The following MRC2 variants were observed in gnomAD, a reference collection of about 807,000 sequenced individuals.
The protein encoded by MRC2 is mannose receptor C-type 2, also known as C-type mannose receptor 2.
A neutral mutation model predicts 206.2 loss-of-function variants in MRC2; 84 were observed. The observed-to-expected ratio is 0.41, with a 90% CI of 0.34 to 0.49. MRC2 has a LOEUF of 0.49. MRC2 is among the 20% of genes least tolerant of loss of function. The pLI, the probability that MRC2 is intolerant of heterozygous loss-of-function variation, is 0.31. For missense variants in MRC2, 1,676 were observed against 2,001.5 expected (o/e 0.84, Z 3.10); for synonymous variants, 798 against 800.0 (o/e 1.00, Z 0.04).
intron 1 of MRC2, among the ~76,000 whole-genome samples, chr17:62,645,523 ATATATTTTTTTTTTTT>A (rs1429266992): frequency 5.2e-4 from 21 of 40,090 alleles, no homozygotes; most frequent in African/African-American, 1.9e-3. Flanking sequence ...ATATATATAT[ATATATTTTTTTTTTTT>A]TTTTTTTTTT....
intron 6 of MRC2, among the ~76,000 whole-genome samples, chr17:62,669,365 T>A (rs969038175): frequency 7.9e-5 from 12 of 151,750 alleles, no homozygotes; most frequent in Non-Finnish European, 1.5e-4. Flanking sequence ...CAGGCGGGCA[T>A]CACTACTTCC....
Position 62,653,445 on chromosome 17 carries a change from C to T in MRC2, c.119-11103C>T, listed in dbSNP as rs979699684. ...AAGGTGACAGTCGCCTTCCCCACCA[C>T]CGCCTGCATTTAGTAGGTGGAGGGA... On this transcript the variant is annotated intron_variant, in intron 1 of 29. Transcript: ENST00000303375. Among the ~76,000 whole-genome samples the T allele has an allele frequency of 1.4e-4, 21 of 152,168 alleles. 1 individual carries two copies. Among genetic ancestry groups the T allele is most frequent in the African/African-American group, 5.1e-4 (21 of 41,446 alleles).
Position 62,680,437 on chromosome 17 carries a change from C to T in MRC2, c.2457C>T (p.Pro819=). The change falls in exon 16 of 30, where the codon CCC becomes CCT. Residue 819 remains proline, a synonymous_variant. Transcript: ENST00000303375. The surrounding 1 kb of genome is among the most constrained non-coding windows in gnomAD (Gnocchi z 4.8). Reference sequence around the variant, plus strand: ...CCCTAGGTACGGACGTGCGGGAGCCCGACGACAGCCCTCAAGGTGAGCACC... The same window carrying T: ...CCCTAGGTACGGACGTGCGGGAGCCTGACGACAGCCCTCAAGGTGAGCACC... ...KIPRGTDVRE[P]DDSPQGRREW... 11 of 1,614,074 alleles carry T rather than the reference C, an allele frequency of 6.8e-6. No homozygotes were observed. The highest frequency in any genetic ancestry group is 9.3e-6 in the Non-Finnish European group (11 of 1,180,020).
chr17:62,688,153 C>T, intron 20 of MRC2, 136 bp from the exon 21 acceptor site: 1 of 695,474 alleles, frequency 1.4e-6, no homozygotes, highest in Non-Finnish European at 2.4e-6. Context: ...CCCAGCTGTC[C>T]TGGTTCTCAG....
At chr17:62,689,051 C>T in intron 23 of MRC2, 91 bp downstream of exon 23, 1 of 1,049,264 alleles carries the variant, frequency 9.5e-7, no homozygotes, top group Non-Finnish European at 1.4e-6. Flanking sequence ...AATCATGGTC[C>T]CTGGCAGAGC....
rs551986485 is a variant in MRC2 at position 62,682,296 on chromosome 17, C to T, written c.2865C>T (p.Val955=). 430 of 1,606,078 alleles carry T rather than the reference C, an allele frequency of 2.7e-4. 3 individuals are homozygous for T. The South Asian group carries it at 4.4e-3, about 16-fold the overall frequency. ...ALPYICKRSN[V]TKETQPPDLP... The stretch of plus-strand genomic sequence containing the variant: ...CCTACATCTGCAAGCGCAGCAACGT[C>T]ACCAAAGAAACGCAGCCCCCAGACC... The change falls in exon 20 of 30, where the codon GTC becomes GTT. Residue 955 remains valine, a synonymous_variant. Coordinates refer to ENST00000303375, the MANE Select transcript of MRC2 (RefSeq NM_006039.5).
At chr17:62,677,823 G>A (rs546220178) in intron 12 of MRC2, among the ~76,000 whole-genome samples, 2 of 152,292 alleles carry the variant, frequency 1.3e-5, no homozygotes, top group Admixed American at 1.3e-4. Flanking sequence ...AGGTCAAGGC[G>A]GGTGGATCAC....
chr17:62,662,857 C>T (rs1007323654), intron 1 of MRC2, among the ~76,000 whole-genome samples: 10 of 151,946 alleles, frequency 6.6e-5, no homozygotes, highest in African/African-American at 9.7e-5. Flanking sequence ...TGCAGTGAGC[C>T]GAGATCGAGC....
chr17:62,657,205 G>T (rs1416218346), intron 1 of MRC2, among the ~76,000 whole-genome samples: 1 of 152,184 alleles, frequency 6.6e-6, no homozygotes, highest in Admixed American at 6.5e-5. Context: ...GATTGTTATC[G>T]TTGCCATGTC....
chr17:62,633,241 G>A (rs778775558), intron 1 of MRC2, among the ~76,000 whole-genome samples: 1 of 152,240 alleles, frequency 6.6e-6, no homozygotes, highest in East Asian at 1.9e-4. Flanking sequence ...GGTGGCTCAT[G>A]CCTGTAATCC....
chr17:62,641,263 C>T (rs1442231257), intron 1 of MRC2, among the ~76,000 whole-genome samples: 1 of 147,888 alleles, frequency 6.8e-6, no homozygotes, highest in Non-Finnish European at 1.5e-5. Flanking sequence ...TTGCAGTGAG[C>T]TGAGATGGCG....
rs1216633939 is a variant in MRC2, at chr17:62,666,886, G to T, written c.973+16G>T. The T allele has an allele frequency of 3.7e-6, 6 of 1,609,352 alleles. No individual in the cohort carries two copies. The highest frequency in any genetic ancestry group is 5.1e-6 in the Non-Finnish European group (6 of 1,176,372). Reference sequence around the variant, plus strand: ...TGGGAGAGTGGTGAGGCACAAGGTTGGGGGCGCAGGGCAGCATAGGGGCCC... The same window carrying T: ...TGGGAGAGTGGTGAGGCACAAGGTTTGGGGCGCAGGGCAGCATAGGGGCCC... On this transcript the variant is annotated intron_variant, in intron 5 of 29. Coordinates refer to ENST00000303375, the MANE Select transcript of MRC2 (RefSeq NM_006039.5). The surrounding 1 kb of genome is among the most constrained non-coding windows in gnomAD (Gnocchi z 5.0).
At position 62,688,864 on chromosome 17, in the gene MRC2, G is replaced by C; in HGVS notation, c.3238G>C (p.Val1080Leu). ...PSGNKPTSCA[V>L]VLHSPSAHFT... is the part of the protein sequence containing the mutation. ...TCCCTCCCCCCAGACCAGCTGTGCA[G>C]TGGTCCTGCACAGCCCCTCAGCCCA... Residue 1080 changes from valine (V) to leucine (L), a missense_variant, in exon 23 of 30, where the codon GTG becomes CTG. By Grantham distance (32) the Val-to-Leu change is conservative (BLOSUM62 1). This residue lies in a region of MRC2 where 1,354 missense variants were observed against 1,636.6 expected (regional missense o/e 0.83). Transcript: ENST00000303375. 5.0e-6 allele frequency: 8 copies of C among 1,611,402 alleles called. No homozygotes were observed. The highest frequency in any genetic ancestry group is 5.9e-6 in the Non-Finnish European group (7 of 1,179,066).
In MRC2 at chr17:62,656,927, A is replaced by G. The variant is rs142697242; in HGVS notation, c.119-7621A>G. Among the ~76,000 whole-genome samples the G allele has an allele frequency of 2.0e-3, 307 of 152,158 alleles. 3 individuals are homozygous for G. The highest frequency in any genetic ancestry group is 0.011 in the East Asian group (58 of 5,182). On this transcript the variant is annotated intron_variant, in intron 1 of 29. Coordinates refer to ENST00000303375, the MANE Select transcript of MRC2 (RefSeq NM_006039.5). ...GCTTCTCTTTATATATTATCCCCTC[A>G]TCGTAGGAAGCATGGCCATTGGCAG...
intron 1 of MRC2, among the ~76,000 whole-genome samples, chr17:62,662,618 A>C (rs962116560): frequency 3.3e-5 from 5 of 152,032 alleles, no homozygotes; most frequent in African/African-American, 1.2e-4. Flanking sequence ...CCTAGAATCG[A>C]AGCACTAGCT....
rs1275009878 is a variant in MRC2 at position 62,675,884 on chromosome 17, A to G, written c.1664A>G (p.Gln555Arg). The G allele has an allele frequency of 1.2e-6, 2 of 1,613,888 alleles. No individual in the cohort carries two copies. The highest frequency in any genetic ancestry group is 1.7e-6 in the Non-Finnish European group (2 of 1,179,918). ...ARRLCTDHGS[Q>R]LVTITNRFEQ... ...CGCCTGTGCACTGACCATGGCTCTC[A>G]GCTGGTCACCATCACCAACAGGTAC... Residue 555 changes from glutamine to arginine, a missense_variant, in exon 10 of 30, where the codon CAG becomes CGG. Physicochemically the swap from Gln to Arg is conservative, Grantham distance 43. Coordinates refer to ENST00000303375, the MANE Select transcript of MRC2 (RefSeq NM_006039.5). The surrounding 1 kb of genome is among the most constrained non-coding windows in gnomAD (Gnocchi z 4.1).
At position 62,680,344 on chromosome 17, in the gene MRC2, G is replaced by A. The variant is rs2088947716; in HGVS notation, c.2437+36G>A. ...GTGGCGCTGGGGGACGCGGGATGGAGCGAAGGGTGGCGGGGCCAGGAATTC... is the reference window on the plus strand; with the variant it reads ...GTGGCGCTGGGGGACGCGGGATGGAACGAAGGGTGGCGGGGCCAGGAATTC... On this transcript the variant is annotated intron_variant, in intron 15 of 29. Coordinates refer to ENST00000303375, the MANE Select transcript of MRC2 (RefSeq NM_006039.5). This position sits in a 1 kb window ranked among gnomAD's most constrained non-coding sequence, Gnocchi z 4.8. 6 of 1,613,436 alleles carry A rather than the reference G, an allele frequency of 3.7e-6. No individual in the cohort carries two copies. The highest frequency in any genetic ancestry group is 3.3e-5 in the Admixed American group (2 of 59,990).
chr17:62,636,459 T>G (rs1321059401), intron 1 of MRC2, among the ~76,000 whole-genome samples: 5 of 139,962 alleles, frequency 3.6e-5, no homozygotes, highest in African/African-American at 1.3e-4. Flanking sequence ...GGTAATCTTC[T>G]GATTTTTTTT....
chr17:62,680,016 G>A lies in MRC2; in HGVS notation c.2298+114G>A. The A allele has an allele frequency of 6.8e-7, 1 of 1,477,110 alleles. No homozygotes were observed. The highest frequency in any genetic ancestry group is 9.2e-7 in the Non-Finnish European group (1 of 1,092,618). 91.5% of individuals were successfully genotyped at this position (1,477,110 alleles called of 1,614,324 possible). On this transcript the variant is annotated intron_variant, in intron 14 of 29. Transcript: ENST00000303375. The surrounding 1 kb of genome is among the most constrained non-coding windows in gnomAD (Gnocchi z 4.8). ...TTCTTGAGGGCCGGGCCCCCAGTCG[G>A]AGCCGGCTTCAGGAAAGCAGGTCCG...
Sources: gnomAD v4.1 joint callset for allele counts (sites outside exome capture counted in the v4.1 genomes callset) on GRCh38, gnomAD v4.1.1 for gene constraint, gnomAD v4.1.1 regional missense constraint, Gnocchi (gnomAD v3.1) non-coding constraint, MANE v1.5 for transcripts, NCBI Gene and HGNC (gene_info 2026-07-23, HGNC 2026-07-21) for gene names.